Variants in PAK5 observed in about 807,000 individuals in gnomAD.
PAK5 encodes the protein p21 (RAC1) activated kinase 5.
Under a neutral mutation model 65.9 loss-of-function variants are expected in PAK5, and 16 were observed. That is an observed-to-expected ratio of 0.24 (90% confidence interval 0.16 to 0.37). PAK5 has a LOEUF of 0.37. Among genes scored for constraint, PAK5 ranks in the 10% least tolerant of loss-of-function variants. PAK5 has a pLI of 1.00. For missense variants in PAK5, 785 were observed against 903.9 expected (o/e 0.87, Z 1.69); for synonymous variants, 371 against 354.9 (o/e 1.05, Z -0.51).
At chr20:9,837,904 G>C (rs1381515108) in intron 1 of PAK5, among the ~76,000 whole-genome samples, 1 of 152,038 alleles carries the variant, frequency 6.6e-6, no homozygotes, top group Non-Finnish European at 1.5e-5. Flanking sequence ...TAGCCTCAGC[G>C]TTTCAGGTTC....
At chr20:9,779,621 G>A (rs2048921214) in intron 1 of PAK5, among the ~76,000 whole-genome samples, 1 of 151,666 alleles carries the variant, frequency 6.6e-6, no homozygotes, top group African/African-American at 2.4e-5. Flanking sequence ...TAGTTGGGGA[G>A]GAAGGGAGAT....
At chr20:9,661,244 C>T (rs948749093) in intron 2 of PAK5, among the ~76,000 whole-genome samples, 5 of 152,088 alleles carry the variant, frequency 3.3e-5, no homozygotes, top group African/African-American at 1.2e-4. Flanking sequence ...TCCTAGACCA[C>T]GCTGGGGCTC....
At chr20:9,758,723 T>C (rs954380366) in intron 1 of PAK5, among the ~76,000 whole-genome samples, 1 of 152,198 alleles carries the variant, frequency 6.6e-6, no homozygotes, top group Non-Finnish European at 1.5e-5. Flanking sequence ...AGTTCACCAC[T>C]AAATGTGTGG....
intron 1 of PAK5, among the ~76,000 whole-genome samples, chr20:9,769,188 T>C (rs2048806021): frequency 6.6e-6 from 1 of 152,120 alleles, no homozygotes; most frequent in Non-Finnish European, 1.5e-5. Flanking sequence ...GATGTGAAAA[T>C]ACAGACATAT....
rs538663084 is a variant in PAK5, at chr20:9,763,932, C to T, written c.-161-52497G>A. 2.8e-4 allele frequency among the ~76,000 whole-genome samples: 42 copies of T among 152,092 alleles called. No homozygotes were observed. The Middle Eastern group carries it at 0.01, about 37-fold the overall frequency. ...TTTTTTCTGAATCACCTGAATGTAC[C>T]TGCAGGTATGACACTTCACCACTAA... On this transcript the variant is annotated intron_variant, in intron 1 of 9. Transcript: ENST00000353224.
rs143020686 is a variant in PAK5 at position 9,578,015 on chromosome 20, C to T, written c.990+2130G>A. Among the ~76,000 whole-genome samples the T allele has an allele frequency of 3.4e-3, 513 of 152,290 alleles. 5 individuals are homozygous for T. Among genetic ancestry groups the T allele is most frequent in the African/African-American group, 0.011 (461 of 41,570 alleles). ...AATCACCCCTCCCACCCTCGTTCTT[C>T]TGTCACTTAGACGAAAGTTCTGGTG... On this transcript the variant is annotated intron_variant, in intron 4 of 9. Transcript: ENST00000353224.
At chr20:9,756,272 C>A (rs2048632946) in intron 1 of PAK5, among the ~76,000 whole-genome samples, 1 of 152,112 alleles carries the variant, frequency 6.6e-6, no homozygotes, top group Admixed American at 6.6e-5. Flanking sequence ...ATCAGAGGAG[C>A]ACAATCTAGT....
At chr20:9,813,091 T>A (rs1421543436) in intron 1 of PAK5, among the ~76,000 whole-genome samples, 1 of 152,150 alleles carries the variant, frequency 6.6e-6, no homozygotes, top group East Asian at 1.9e-4. Context: ...ACAATATAGA[T>A]GAATCCCAAA....
At chr20:9,677,075 GTGTGTGTGTGTGT>G (rs1386938252) in intron 2 of PAK5, among the ~76,000 whole-genome samples, 99 of 100,936 alleles carry the variant, frequency 9.8e-4, no homozygotes, top group East Asian at 6.0e-3. Flanking sequence ...GTGTGTGTGT[GTGTGTGTGTGTGT>G]TTGTTGTTAT....
chr20:9,646,755 C>T (rs111857007), intron 2 of PAK5, among the ~76,000 whole-genome samples: 12 of 152,324 alleles, frequency 7.9e-5, no homozygotes, highest in African/African-American at 2.9e-4. Context: ...TGTGGCTTGT[C>T]TGCCCTCTTG....
chr20:9,623,779 A>G (rs1309300780), intron 3 of PAK5, among the ~76,000 whole-genome samples: 2 of 152,244 alleles, frequency 1.3e-5, no homozygotes, highest in African/African-American at 4.8e-5. Flanking sequence ...CAATTCACCA[A>G]ATGAATGGTC....
At chr20:9,557,885 G>A (rs964708437) in intron 6 of PAK5, 151 bp from the exon 7 acceptor site, 1 of 520,554 alleles carries the variant, frequency 1.9e-6, no homozygotes, top group Non-Finnish European at 3.3e-6. Context: ...GAAGTCTTTG[G>A]GATCTGACTC....
At chr20:9,787,770 T>C (rs775157285) in intron 1 of PAK5, among the ~76,000 whole-genome samples, 5 of 152,038 alleles carry the variant, frequency 3.3e-5, no homozygotes, top group Admixed American at 1.3e-4. Context: ...GTAGACACCA[T>C]GGTACAGTGT....
chr20:9,561,349 C>T (rs140425309), intron 6 of PAK5, among the ~76,000 whole-genome samples: 1 of 152,050 alleles, frequency 6.6e-6, no homozygotes, highest in Admixed American at 6.5e-5. Flanking sequence ...AGGTTTCTCC[C>T]CTGAATATAT....
chr20:9,634,067 C>T (rs1175154052), intron 3 of PAK5, among the ~76,000 whole-genome samples: 1 of 152,076 alleles, frequency 6.6e-6, no homozygotes, highest in Non-Finnish European at 1.5e-5. Context: ...ATTACAGTTA[C>T]TCCTTGATGG....
At position 9,659,583 on chromosome 20, in the gene PAK5, C is replaced by T. The variant is rs540310573; in HGVS notation, c.-11-15244G>A. On this transcript the variant is annotated intron_variant, in intron 2 of 9. Coordinates refer to ENST00000353224, the MANE Select transcript of PAK5 (RefSeq NM_177990.4). The stretch of plus-strand genomic sequence containing the variant: ...TGTCATTGATTATATGAATTTTAAA[C>T]GATAGAGTATTGGGTATAAGAAACT... Among the ~76,000 whole-genome samples the T allele has an allele frequency of 1.1e-3, 163 of 152,116 alleles. 1 individual carries two copies. Among genetic ancestry groups the T allele is most frequent in the Non-Finnish European group, 1.9e-3 (127 of 68,010 alleles).
chr20:9,663,937 T>G (rs1569027723), intron 2 of PAK5, among the ~76,000 whole-genome samples: 1 of 152,164 alleles, frequency 6.6e-6, no homozygotes, highest in Admixed American at 6.5e-5. Context: ...TAAATTGAGG[T>G]ATATTCCTAC....
chr20:9,690,081 C>A (rs1182179920), intron 2 of PAK5, among the ~76,000 whole-genome samples: 1 of 152,132 alleles, frequency 6.6e-6, no homozygotes, highest in African/African-American at 2.4e-5. Flanking sequence ...ACAACAGTAT[C>A]ATAAAAATAG....
intron 1 of PAK5, among the ~76,000 whole-genome samples, chr20:9,730,047 A>C (rs28366762): frequency 1.4e-5 from 2 of 142,434 alleles, no homozygotes; most frequent in African/African-American, 5.2e-5. Context: ...TCTCGAAAAA[A>C]AAAAAAGAGA....
Sources: gnomAD v4.1 joint callset for allele counts (sites outside exome capture counted in the v4.1 genomes callset) on GRCh38, gnomAD v4.1.1 for gene constraint, MANE v1.5 for transcripts, NCBI Gene and HGNC (gene_info 2026-07-23, HGNC 2026-07-21) for gene names.